Variants in GALNT13 observed in about 807,000 individuals in gnomAD.
GALNT13 encodes UDP-GalNAc:polypeptide N-acetylgalactosaminyltransferase 13.
In GALNT13, 28 loss-of-function variants were observed where a neutral mutation model predicts 64.2. The ratio of observed to expected loss-of-function variants is 0.44; its 90% CI spans 0.32 to 0.60. GALNT13 has a LOEUF of 0.60. GALNT13 is among the 20% of genes least tolerant of loss of function. GALNT13 has a pLI of 0.05. For synonymous variants in GALNT13, 214 were observed against 224.6 expected (o/e 0.95, Z 0.42); for missense variants, 577 against 669.8 (o/e 0.86, Z 1.53).
the GALNT13 span, among the ~76,000 whole-genome samples, chr2:153,732,915 TAGAA>T: frequency 1.3e-5 from 2 of 152,072 alleles, no homozygotes; most frequent in Non-Finnish European, 2.9e-5. Context: ...GTAATAAAAA[TAGAA>T]AGACAGAGAA....
chr2:153,671,844 G>C, the GALNT13 span, among the ~76,000 whole-genome samples: 1 of 152,066 alleles, frequency 6.6e-6, no homozygotes, highest in South Asian at 2.1e-4. Flanking sequence ...TCAAAATAAA[G>C]GGATGGAGGA....
At chr2:154,252,820 G>A (rs1025648143) in intron 7 of GALNT13, among the ~76,000 whole-genome samples, 2 of 151,946 alleles carry the variant, frequency 1.3e-5, no homozygotes, top group African/African-American at 4.8e-5. Flanking sequence ...GGAGAGGAGA[G>A]GAAAGGAAGA....
the GALNT13 span, among the ~76,000 whole-genome samples, chr2:153,826,096 T>G: frequency 6.6e-6 from 1 of 152,114 alleles, no homozygotes; most frequent in Non-Finnish European, 1.5e-5. Flanking sequence ...TACATAAAAT[T>G]TATTTTTTAT....
chr2:153,222,332 T>TGGGGGGGTGGGGGGGGGGGGGGGGG, the GALNT13 span, among the ~76,000 whole-genome samples: 1 of 103,788 alleles, frequency 9.6e-6, no homozygotes, highest in Non-Finnish European at 2.0e-5. Flanking sequence ...GGGGGTGGGG[T>TGGGGGGGTGGGGGGGGGGGGGGGGG]GGGGGGGGGG....
chr2:153,685,542 T>C, the GALNT13 span, among the ~76,000 whole-genome samples: 1 of 152,084 alleles, frequency 6.6e-6, no homozygotes, highest in South Asian at 2.1e-4. Flanking sequence ...TTGTTTAAGT[T>C]CCTTATAGAT....
chr2:153,341,028 C>T, the GALNT13 span, among the ~76,000 whole-genome samples: 1 of 152,152 alleles, frequency 6.6e-6, no homozygotes, highest in African/African-American at 2.4e-5. Flanking sequence ...TTAATAAGCC[C>T]TCTATGTGAC....
intron 2 of GALNT13, among the ~76,000 whole-genome samples, chr2:153,938,695 C>T (rs895744707): frequency 2.6e-5 from 4 of 152,222 alleles, no homozygotes; most frequent in African/African-American, 9.6e-5. Flanking sequence ...ATTCTGAGTC[C>T]TCTTTTTGTG....
chr2:153,352,726 T>C, the GALNT13 span, among the ~76,000 whole-genome samples: 1 of 152,100 alleles, frequency 6.6e-6, no homozygotes. Flanking sequence ...TTCTCTTCAT[T>C]GTATTGCCTT....
chr2:154,274,133 C>T (rs2105927397), intron 8 of GALNT13, among the ~76,000 whole-genome samples: 1 of 152,062 alleles, frequency 6.6e-6, no homozygotes, highest in South Asian at 2.1e-4. Flanking sequence ...GCAATAGACC[C>T]TGTGGATGGC....
At chr2:153,872,489 C>G (rs1170488592) in intron 1 of GALNT13, among the ~76,000 whole-genome samples, 186 bp downstream of exon 1, 1 of 152,024 alleles carries the variant, frequency 6.6e-6, no homozygotes, top group Non-Finnish European at 1.5e-5. Flanking sequence ...GCGACGCGGC[C>G]TCCCGGGAGC....
At chr2:153,357,860 A>G in the GALNT13 span, among the ~76,000 whole-genome samples, 3 of 152,252 alleles carry the variant, frequency 2.0e-5, no homozygotes, top group Admixed American at 6.5e-5. Context: ...ATGGGAATAC[A>G]TCTTAGCCAC....
At chr2:153,739,799 T>C in the GALNT13 span, among the ~76,000 whole-genome samples, 1 of 151,512 alleles carries the variant, frequency 6.6e-6, no homozygotes, top group African/African-American at 2.4e-5. Flanking sequence ...TTTACAACTA[T>C]TGTCATGAGG....
At chr2:154,435,551 AGGG>A (rs1700923460) in intron 11 of GALNT13, among the ~76,000 whole-genome samples, 2 of 152,212 alleles carry the variant, frequency 1.3e-5, no homozygotes, top group Non-Finnish European at 2.9e-5. Flanking sequence ...GTTAATCTAG[AGGG>A]TCATAATACA....
intron 1 of GALNT13, among the ~76,000 whole-genome samples, chr2:153,873,695 A>T (rs1686152161): frequency 6.6e-6 from 1 of 152,172 alleles, no homozygotes; most frequent in African/African-American, 2.4e-5. Flanking sequence ...ACATAACAAC[A>T]TAGAGGTTTT....
chr2:153,111,139 C>T, the GALNT13 span, among the ~76,000 whole-genome samples: 1 of 151,996 alleles, frequency 6.6e-6, no homozygotes, highest in South Asian at 2.1e-4. Flanking sequence ...GTGTATTTCT[C>T]ATTGTTAAAA....
chr2:153,755,726 G>C, the GALNT13 span, among the ~76,000 whole-genome samples: 3 of 151,930 alleles, frequency 2.0e-5, no homozygotes, highest in South Asian at 2.1e-4. Context: ...TGTTTCTTTT[G>C]TTGTGTATTT....
chr2:153,330,500 T>C, the GALNT13 span, among the ~76,000 whole-genome samples: 2 of 152,218 alleles, frequency 1.3e-5, no homozygotes, highest in Non-Finnish European at 2.9e-5. Context: ...TTAGATGTAT[T>C]CCTAGATATT....
At chr2:154,149,551 A>G (rs1683847804) in intron 4 of GALNT13, among the ~76,000 whole-genome samples, 1 of 152,092 alleles carries the variant, frequency 6.6e-6, no homozygotes, top group Non-Finnish European at 1.5e-5. Context: ...GATTCTTCCT[A>G]CCCATGAGCA....
chr2:153,173,594 G>A, the GALNT13 span, among the ~76,000 whole-genome samples: 1 of 151,686 alleles, frequency 6.6e-6, no homozygotes, highest in African/African-American at 2.4e-5. Context: ...ACATTCTGAG[G>A]TACTAGGGTA....
Sources: gnomAD v4.1 joint callset for allele counts (sites outside exome capture counted in the v4.1 genomes callset) on GRCh38, gnomAD v4.1.1 for gene constraint, MANE v1.5 for transcripts, NCBI Gene and HGNC (gene_info 2026-07-23, HGNC 2026-07-21) for gene names.